Variants in NBEA observed in about 807,000 individuals in gnomAD.
NBEA encodes lysosomal-trafficking regulator 2.
NBEA carries 44 observed loss-of-function variants against 343.4 expected under a neutral mutation model. The ratio of observed to expected loss-of-function variants is 0.13; its 90% CI spans 0.10 to 0.16. The LOEUF (loss-of-function observed/expected upper bound fraction) is 0.16, where lower values mean the gene tolerates loss of function less well. Among genes scored for constraint, NBEA ranks in the 10% least tolerant of loss-of-function variants. The probability of loss-of-function intolerance (pLI) is 1.00; values close to 1 mark genes in which losing one functional copy is unlikely to be tolerated. For synonymous variants in NBEA, 1,175 were observed against 1,238.7 expected, an observed-to-expected ratio of 0.95 and a Z score of 1.08; for missense variants, 2,555 against 3,631.3, an observed-to-expected ratio of 0.70 and a Z score of 7.62.
intron 31 of NBEA, among the ~76,000 whole-genome samples, chr13:35,196,512 G>A (rs569468353): frequency 1.3e-5 from 2 of 152,136 alleles, no homozygotes; most frequent in South Asian, 2.1e-4. Context: ...ATGATGGATA[G>A]CACATTGAAT....
At chr13:35,059,035 A>G (rs920298115) in intron 8 of NBEA, among the ~76,000 whole-genome samples, 172 bp downstream of exon 8, 1 of 152,042 alleles carries the variant, frequency 6.6e-6, no homozygotes, top group East Asian at 1.9e-4. Flanking sequence ...CTTCTTAACC[A>G]TTTTATAAAC....
rs145943645 is a variant in NBEA, at chr13:35,408,833, T to C, written c.6180-23436T>C. 7.9e-4 allele frequency among the ~76,000 whole-genome samples: 120 copies of C among 152,182 alleles called. 1 individual carries two copies. Among genetic ancestry groups the C allele is most frequent in the African/African-American group, 2.8e-3 (116 of 41,534 alleles). ...ACACCCGTCAGAATATGGCTATAATTAAAAAGTCAAAAACAACAGATGCTG... is the reference window on the plus strand; with the variant it reads ...ACACCCGTCAGAATATGGCTATAATCAAAAAGTCAAAAACAACAGATGCTG... On this transcript the variant is annotated intron_variant, in intron 38 of 58. Coordinates refer to ENST00000379939, the MANE Select transcript of NBEA (RefSeq NM_001385012.1).
chr13:35,198,296 A>C (rs574811044), intron 31 of NBEA, among the ~76,000 whole-genome samples: 1 of 152,186 alleles, frequency 6.6e-6, no homozygotes, highest in Admixed American at 6.5e-5. Context: ...AAGGTAATAT[A>C]TAGTAATTTA....
At chr13:35,419,735 G>C (rs2152922688) in intron 38 of NBEA, among the ~76,000 whole-genome samples, 2 of 151,790 alleles carry the variant, frequency 1.3e-5, no homozygotes, top group Non-Finnish European at 2.9e-5. Context: ...CGAAAAACAT[G>C]AAAAGAAGAG....
At chr13:35,201,839 A>C (rs918131232) in intron 31 of NBEA, among the ~76,000 whole-genome samples, 2 of 152,184 alleles carry the variant, frequency 1.3e-5, no homozygotes, top group South Asian at 2.1e-4. Flanking sequence ...AAACTACATT[A>C]GCCCCTCAGC....
At chr13:35,227,610 T>G (rs999801374) in intron 33 of NBEA, among the ~76,000 whole-genome samples, 1 of 152,084 alleles carries the variant, frequency 6.6e-6, no homozygotes, top group African/African-American at 2.4e-5. Flanking sequence ...GTTCTATGTT[T>G]TCTTATTATA....
At chr13:35,438,848 T>G (rs539681271) in intron 39 of NBEA, among the ~76,000 whole-genome samples, 39 of 152,226 alleles carry the variant, frequency 2.6e-4, no homozygotes, top group Non-Finnish European at 5.4e-4. Context: ...TTACAAAATA[T>G]TCTTATAAAA....
At chr13:35,339,060 G>A (rs2039433085) in intron 36 of NBEA, among the ~76,000 whole-genome samples, 1 of 152,064 alleles carries the variant, frequency 6.6e-6, no homozygotes, top group Non-Finnish European at 1.5e-5. Flanking sequence ...GCTTATTTAT[G>A]AAAGACTGAA....
intron 26 of NBEA, 141 bp from the exon 27 acceptor site, chr13:35,173,323 A>G: frequency 1.4e-6 from 1 of 696,654 alleles, no homozygotes; most frequent in Admixed American, 3.5e-5. Context: ...AATTTTGAAA[A>G]TTATTGATCT....
intron 48 of NBEA, among the ~76,000 whole-genome samples, chr13:35,627,181 C>T (rs968601360): frequency 1.3e-5 from 2 of 152,110 alleles, no homozygotes; most frequent in Non-Finnish European, 2.9e-5. Context: ...TAGTGACCGC[C>T]GTAATTTAGA....
chr13:35,271,612 AG>A (rs1274521788), intron 34 of NBEA, among the ~76,000 whole-genome samples: 3 of 152,226 alleles, frequency 2.0e-5, no homozygotes, highest in African/African-American at 7.2e-5. Context: ...TCTTGAAAAA[AG>A]GTTAGACTAA....
intron 12 of NBEA, among the ~76,000 whole-genome samples, chr13:35,110,505 C>T (rs1469381671): frequency 1.3e-5 from 2 of 151,992 alleles, no homozygotes; most frequent in Non-Finnish European, 2.9e-5. Flanking sequence ...CTTTAGTTGA[C>T]TTTTAAAATA....
At chr13:35,649,887 A>G in intron 52 of NBEA, 40 bp downstream of exon 52, 1 of 1,566,750 alleles carries the variant, frequency 6.4e-7, no homozygotes, top group South Asian at 1.2e-5. Flanking sequence ...AAGATTTCTT[A>G]AAAGCTACAA....
At chr13:35,103,086 A>C (rs2065730530) in intron 11 of NBEA, among the ~76,000 whole-genome samples, 1 of 151,730 alleles carries the variant, frequency 6.6e-6, no homozygotes, top group African/African-American at 2.4e-5. Flanking sequence ...TATAAACAGG[A>C]TTTTATATAA....
chr13:35,076,339 A>G (rs1402160729), intron 10 of NBEA, among the ~76,000 whole-genome samples: 2 of 152,008 alleles, frequency 1.3e-5, no homozygotes, highest in Non-Finnish European at 2.9e-5. Flanking sequence ...GAAGAGAAAA[A>G]TGAAGTAATT....
chr13:35,404,266 G>T (rs1284475064), intron 38 of NBEA, among the ~76,000 whole-genome samples: 5 of 151,972 alleles, frequency 3.3e-5, no homozygotes, highest in Non-Finnish European at 7.4e-5. Context: ...TATACCCAAA[G>T]GACTATAAAT....
intron 13 of NBEA, among the ~76,000 whole-genome samples, chr13:35,115,053 A>G (rs1178612626): frequency 1.3e-5 from 2 of 152,104 alleles, no homozygotes; most frequent in Non-Finnish European, 2.9e-5. Flanking sequence ...ATATATAGTT[A>G]AGTGTAAAAG....
At chr13:34,964,564 C>T (rs953863543) in intron 1 of NBEA, among the ~76,000 whole-genome samples, 2 of 151,934 alleles carry the variant, frequency 1.3e-5, no homozygotes, top group Non-Finnish European at 2.9e-5. Context: ...TACTTACTAA[C>T]GCACAATTCA....
intron 10 of NBEA, among the ~76,000 whole-genome samples, chr13:35,093,303 A>G (rs2065176432): frequency 1.2e-5 from 1 of 81,902 alleles, no homozygotes. Context: ...TAACATTCTC[A>G]AACTGGTACA....
Sources: allele counts gnomAD v4.1 joint callset (sites outside exome capture counted in the v4.1 genomes callset), GRCh38; gene constraint gnomAD v4.1.1; transcripts MANE v1.5; gene names NCBI Gene and HGNC (gene_info 2026-07-23, HGNC 2026-07-21).